The following GAB2 variants were observed in gnomAD, a reference collection of about 807,000 sequenced individuals.
The protein encoded by GAB2 is GRB2 associated binding protein 2.
In GAB2, 26 loss-of-function variants were observed where a neutral mutation model predicts 65.5. The observed-to-expected ratio is 0.40, with a 90% CI of 0.29 to 0.55. GAB2 has a LOEUF of 0.55. Ranked by LOEUF, GAB2 falls within the 20% of genes least tolerant of loss-of-function variation. The pLI is 0.53. For synonymous variants in GAB2, 321 were observed against 329.6 expected (o/e 0.97, Z 0.28); for missense variants, 884 against 875.8 (o/e 1.01, Z -0.12).
At chr11:78,374,153 C>G (rs191440769) in intron 1 of GAB2, among the ~76,000 whole-genome samples, 137 of 152,290 alleles carry the variant, frequency 9.0e-4, no homozygotes, top group African/African-American at 2.7e-3. Flanking sequence ...AACAGCTTGA[C>G]TGAAAAAGTC....
At chr11:78,229,803 G>A (rs1029588202) in intron 3 of GAB2, among the ~76,000 whole-genome samples, 1 of 152,190 alleles carries the variant, frequency 6.6e-6, no homozygotes, top group Admixed American at 6.5e-5. Context: ...AGTTAGTCAA[G>A]CATTGGGCTT....
chr11:78,395,496 A>G (rs1008132510), intron 1 of GAB2, among the ~76,000 whole-genome samples: 7 of 152,226 alleles, frequency 4.6e-5, no homozygotes, highest in East Asian at 1.9e-4. Context: ...TCATATCCCA[A>G]TAGCCACAAG....
Position 78,219,176 on chromosome 11 carries a change from G to A in GAB2, c.*96C>T. Reference sequence around the variant, plus strand: ...AGGCTGAGACTGGCAGAGTAGAGAGGAGGTGGATGGGAGGAAGAACGGGAG... The same window carrying A: ...AGGCTGAGACTGGCAGAGTAGAGAGAAGGTGGATGGGAGGAAGAACGGGAG... On this transcript the variant is annotated 3_prime_UTR_variant, in exon 10 of 10. Transcript: ENST00000361507. 1 of 1,143,258 alleles carries A rather than the reference G, an allele frequency of 8.7e-7. No individual in the cohort carries two copies. The highest frequency in any genetic ancestry group is 1.3e-6 in the Non-Finnish European group (1 of 780,876). 70.8% of individuals were successfully genotyped at this position (1,143,258 alleles called of 1,614,324 possible).
rs189857532 is a variant in GAB2 at position 78,404,413 on chromosome 11, G to A, written c.75+13233C>T. ...AAACAAAAAATTAGCCAGGCCGGGT[G>A]GCGCATGTCTGTAGTCCCAGCTACT... On this transcript the variant is annotated intron_variant, in intron 1 of 9. Transcript: ENST00000361507. Among the ~76,000 whole-genome samples the A allele has an allele frequency of 3.2e-3, 487 of 152,324 alleles. 3 individuals are homozygous for A. The highest frequency in any genetic ancestry group is 5.0e-3 in the Non-Finnish European group (339 of 68,038).
intron 1 of GAB2, among the ~76,000 whole-genome samples, chr11:78,286,835 G>T (rs1866499639): frequency 6.6e-6 from 1 of 152,160 alleles, no homozygotes; most frequent in Non-Finnish European, 1.5e-5. Flanking sequence ...AGTAACCCAT[G>T]ATACAAAAAT....
chr11:78,250,008 C>T lies in GAB2; in HGVS notation c.620+149G>A, dbSNP rs906867595. Reference sequence around the variant, plus strand: ...TGATGCCAATAAAATATGAAGGCTACAGAAGCAAAAAATTATGTTTTGTCA... The same window carrying T: ...TGATGCCAATAAAATATGAAGGCTATAGAAGCAAAAAATTATGTTTTGTCA... On this transcript the variant is annotated intron_variant, in intron 3 of 9. Transcript: ENST00000361507. The T allele has an allele frequency of 6.0e-6, 5 of 835,224 alleles. No individual in the cohort carries two copies. In the African/African-American group the frequency reaches 6.8e-5, roughly 11 times the overall value. 51.7% of individuals were successfully genotyped at this position (835,224 alleles called of 1,614,324 possible).
At chr11:78,394,132 T>TA (rs1436482381) in intron 1 of GAB2, among the ~76,000 whole-genome samples, 4 of 152,014 alleles carry the variant, frequency 2.6e-5, no homozygotes, top group Non-Finnish European at 5.9e-5. Flanking sequence ...ACTAAAAATA[T>TA]AAAAAATTTG....
intron 1 of GAB2, among the ~76,000 whole-genome samples, chr11:78,412,906 G>A (rs1392609958): frequency 6.6e-6 from 1 of 152,184 alleles, no homozygotes; most frequent in African/African-American, 2.4e-5. Flanking sequence ...TCATGGCAGT[G>A]GGGATGAAGA....
chr11:78,327,882 T>C (rs112121029), intron 1 of GAB2, among the ~76,000 whole-genome samples: 1,788 of 152,316 alleles, frequency 0.012, 33 homozygotes, highest in African/African-American at 0.041. Flanking sequence ...CTAGATTGAA[T>C]TGAAGAAGTG....
chr11:78,415,119 G>A (rs1462534300), intron 1 of GAB2, among the ~76,000 whole-genome samples: 1 of 152,282 alleles, frequency 6.6e-6, no homozygotes, highest in African/African-American at 2.4e-5. Flanking sequence ...TGATCCACCC[G>A]CCTCAGCCTC....
intron 1 of GAB2, among the ~76,000 whole-genome samples, chr11:78,409,389 A>C (rs1021660964): frequency 1.3e-5 from 2 of 152,198 alleles, no homozygotes; most frequent in African/African-American, 4.8e-5. Flanking sequence ...GTTCGAGACC[A>C]GTCTGGCCAA....
intron 2 of GAB2, among the ~76,000 whole-genome samples, chr11:78,273,269 G>T (rs77797070): frequency 1.3e-5 from 2 of 152,198 alleles, no homozygotes; most frequent in African/African-American, 4.8e-5. Flanking sequence ...CCTGGAAAAG[G>T]TGCAGACATT....
At chr11:78,358,768 A>T (rs1366180011) in intron 1 of GAB2, among the ~76,000 whole-genome samples, 1 of 152,194 alleles carries the variant, frequency 6.6e-6, no homozygotes, top group African/African-American at 2.4e-5. Context: ...TACCATAATG[A>T]ATGACAGCCA....
chr11:78,288,117 T>G (rs10899455), intron 1 of GAB2, among the ~76,000 whole-genome samples: 1 of 151,080 alleles, frequency 6.6e-6, no homozygotes, highest in Non-Finnish European at 1.5e-5. Context: ...CAGTGGCTCA[T>G]GCCTGTAATC....
intron 1 of GAB2, among the ~76,000 whole-genome samples, chr11:78,394,851 A>G (rs1217427612): frequency 2.0e-5 from 3 of 152,200 alleles, no homozygotes; most frequent in Non-Finnish European, 4.4e-5. Flanking sequence ...ACTAAATACC[A>G]GTTTCTTCTC....
chr11:78,300,113 T>A (rs373327069), intron 1 of GAB2, among the ~76,000 whole-genome samples: 2 of 152,270 alleles, frequency 1.3e-5, no homozygotes, highest in East Asian at 3.9e-4. Flanking sequence ...TCCAGGTGAA[T>A]CCTCACTCCC....
At chr11:78,331,263 T>G (rs560669151) in intron 1 of GAB2, among the ~76,000 whole-genome samples, 2,936 of 151,080 alleles carry the variant, frequency 0.019, 84 homozygotes, top group African/African-American at 0.068. Flanking sequence ...TTTTTTTTTT[T>G]TGAGATGGAG....
intron 3 of GAB2, among the ~76,000 whole-genome samples, chr11:78,228,639 ATGTAAAC>A: frequency 6.6e-6 from 1 of 152,294 alleles, no homozygotes; most frequent in South Asian, 2.1e-4. Flanking sequence ...GCTTCCTCTC[ATGTAAAC>A]TGTACCCACC....
chr11:78,222,799 T>C lies in GAB2; in HGVS notation c.1568-604A>G, dbSNP rs529353965. 7.2e-5 allele frequency among the ~76,000 whole-genome samples: 11 copies of C among 152,230 alleles called. No individual in the cohort carries two copies. In the South Asian group the frequency reaches 2.3e-3, roughly 32 times the overall value. On this transcript the variant is annotated intron_variant, in intron 6 of 9. Coordinates refer to ENST00000361507, the MANE Select transcript of GAB2 (RefSeq NM_080491.3). Reference sequence around the variant, plus strand: ...GGTTTCACTATTTTGGCCAGGCTGGTCTCGAACTTCTGACCTCAGGTGATC... The same window carrying C: ...GGTTTCACTATTTTGGCCAGGCTGGCCTCGAACTTCTGACCTCAGGTGATC...
Sources: gnomAD v4.1 joint callset for allele counts (sites outside exome capture counted in the v4.1 genomes callset) on GRCh38, gnomAD v4.1.1 for gene constraint, MANE v1.5 for transcripts, NCBI Gene and HGNC (gene_info 2026-07-23, HGNC 2026-07-21) for gene names.